LUZP1: variants seen among roughly 807,000 people sequenced by gnomAD.
LUZP1 encodes the protein filamin mechanobinding actin cross-linking protein.
A neutral mutation model predicts 71.3 loss-of-function variants in LUZP1; 25 were observed. That is an observed-to-expected ratio of 0.35 (90% CI 0.26 to 0.49). The LOEUF (loss-of-function observed/expected upper bound fraction) is 0.49, where lower values mean the gene tolerates loss of function less well. Among genes scored for constraint, LUZP1 ranks in the 20% least tolerant of loss-of-function variants. The pLI, the probability that LUZP1 is intolerant of heterozygous loss-of-function variation, is 0.99. For missense variants in LUZP1, 1,142 were observed against 1,300.8 expected (o/e 0.88, Z 1.88); for synonymous variants, 481 against 506.4 (o/e 0.95, Z 0.67).
At chr1:23,149,855 G>A (rs1473599433) in intron 2 of LUZP1, among the ~76,000 whole-genome samples, 12 of 151,318 alleles carry the variant, frequency 7.9e-5, no homozygotes, top group African/African-American at 2.2e-4. Flanking sequence ...CCAGCTACTC[G>A]GGAGGCTGAG....
chr1:23,134,318 A>T (rs1224007337), intron 2 of LUZP1, among the ~76,000 whole-genome samples: 1 of 151,722 alleles, frequency 6.6e-6, no homozygotes. Flanking sequence ...CCATTTCTAT[A>T]AAAAATTTTA....
At chr1:23,125,851 C>A (rs1445613180) in intron 2 of LUZP1, among the ~76,000 whole-genome samples, 1 of 152,170 alleles carries the variant, frequency 6.6e-6, no homozygotes, top group African/African-American at 2.4e-5. Flanking sequence ...GCCTGCCTGC[C>A]TGCCTACTAA....
chr1:23,173,361 T>C (rs189831895), intron 1 of LUZP1, among the ~76,000 whole-genome samples: 17,656 of 135,818 alleles, frequency 0.13, 1,277 homozygotes, highest in South Asian at 0.32. Flanking sequence ...TTTTTTTTTT[T>C]TTTTTTTTTT....
At chr1:23,138,665 G>T (rs887988162) in intron 2 of LUZP1, among the ~76,000 whole-genome samples, 3 of 97,822 alleles carry the variant, frequency 3.1e-5, no homozygotes, top group Non-Finnish European at 5.9e-5. Flanking sequence ...TTATGTGTTT[G>T]TGTGTGTGTG....
chr1:23,155,087 T>C (rs1481405605), intron 2 of LUZP1, among the ~76,000 whole-genome samples: 1 of 152,218 alleles, frequency 6.6e-6, no homozygotes, highest in African/African-American at 2.4e-5. Flanking sequence ...GAATATATCA[T>C]ATTATACTCC....
chr1:23,151,442 T>C (rs1368164753), intron 2 of LUZP1, among the ~76,000 whole-genome samples: 1 of 152,198 alleles, frequency 6.6e-6, no homozygotes. Context: ...TGATTCAAAT[T>C]ACTATCTAAT....
chr1:23,173,716 G>A (rs1194573384), intron 1 of LUZP1, among the ~76,000 whole-genome samples: 1 of 152,106 alleles, frequency 6.6e-6, no homozygotes, highest in African/African-American at 2.4e-5. Context: ...TTGCTATGGA[G>A]GGGAAAGAGG....
chr1:23,155,232 G>A (rs1291051579), intron 2 of LUZP1, among the ~76,000 whole-genome samples: 1 of 152,082 alleles, frequency 6.6e-6, no homozygotes, highest in Non-Finnish European at 1.5e-5. Flanking sequence ...ACTAGTTTCT[G>A]TATACTTCTG....
intron 2 of LUZP1, among the ~76,000 whole-genome samples, chr1:23,152,340 C>T (rs1361947185): frequency 1.3e-5 from 2 of 152,014 alleles, no homozygotes; most frequent in Non-Finnish European, 2.9e-5. Flanking sequence ...CCAAAATAAA[C>T]TAAACTTTTA....
rs1372773689 is a variant in LUZP1, at chr1:23,093,971, T to G, written c.291A>C (p.Glu97Asp). The G allele has an allele frequency of 1.2e-6, 2 of 1,614,196 alleles. No individual in the cohort carries two copies. Among genetic ancestry groups the G allele is most frequent in the South Asian group, 2.2e-5 (2 of 91,082 alleles). The change falls in exon 4 of 5, where the codon GAA becomes GAC. Residue 97 changes from glutamate (E) to aspartate (D), a missense_variant. Coordinates refer to ENST00000302291, the Ensembl canonical transcript of LUZP1. The surrounding 1 kb of genome is among the most constrained non-coding windows in gnomAD (Gnocchi z 4.2). Reference sequence around the variant, plus strand: ...GCTCCCGGGTGAGGTTTTCTTCCTCTTCAAGTTTCTCCTTCATCAGACGAC... The same window carrying G: ...GCTCCCGGGTGAGGTTTTCTTCCTCGTCAAGTTTCTCCTTCATCAGACGAC...
rs149721462 is a variant in LUZP1 at position 23,091,433 on chromosome 1, G to A, written c.2829C>T (p.Asn943=). Reference sequence around the variant, plus strand: ...AGGCATTGCTATTGGTAGATTCCACGTTTTTACCTATTCGAGTTGGGGGGT... The same window carrying A: ...AGGCATTGCTATTGGTAGATTCCACATTTTTACCTATTCGAGTTGGGGGGT... Residue 943 remains asparagine, a synonymous_variant, in exon 4 of 5, where the codon AAC becomes AAT. Coordinates refer to ENST00000302291, the Ensembl canonical transcript of LUZP1. 301 of 1,614,126 alleles carry A rather than the reference G, an allele frequency of 1.9e-4. 1 individual carries two copies. In the African/African-American group the frequency reaches 3.1e-3, roughly 17 times the overall value.
intron 2 of LUZP1, among the ~76,000 whole-genome samples, chr1:23,152,580 G>C (rs1481672908): frequency 6.6e-6 from 1 of 152,002 alleles, no homozygotes; most frequent in Non-Finnish European, 1.5e-5. Context: ...GCCCAGGCTG[G>C]AGTGGAGTGA....
At chr1:23,142,696 TATATACAC>T (rs1211550058) in intron 2 of LUZP1, among the ~76,000 whole-genome samples, 1,667 of 90,516 alleles carry the variant, frequency 0.018, 16 homozygotes, top group African/African-American at 0.035. Flanking sequence ...AATATATATA[TATATACAC>T]ACACACACAC....
intron 2 of LUZP1, among the ~76,000 whole-genome samples, chr1:23,110,630 A>G (rs574062314): frequency 0.035 from 1,549 of 44,546 alleles, 12 homozygotes; most frequent in South Asian, 0.095. Context: ...ATGAACGCGC[A>G]CACATACACA....
chr1:23,140,482 C>A (rs913320686), intron 2 of LUZP1: 1 of 152,282 alleles, frequency 6.6e-6, no homozygotes, highest in African/African-American at 2.4e-5. Context: ...ACTTGACTCA[C>A]AATGCCATCT....
chr1:23,138,140 T>C (rs1193703614), intron 2 of LUZP1, among the ~76,000 whole-genome samples: 1 of 152,122 alleles, frequency 6.6e-6, no homozygotes, highest in Admixed American at 6.6e-5. Flanking sequence ...CTGGCTAATT[T>C]TTTTTTGTAT....
At chr1:23,096,938 A>C (rs1643895564) in intron 3 of LUZP1, among the ~76,000 whole-genome samples, 1 of 152,144 alleles carries the variant, frequency 6.6e-6, no homozygotes, top group African/African-American at 2.4e-5. Context: ...GCGCCACTGC[A>C]CTCCAGCCTG....
chr1:23,140,046 G>C (rs1644290292), intron 2 of LUZP1, among the ~76,000 whole-genome samples: 2 of 152,050 alleles, frequency 1.3e-5, no homozygotes, highest in South Asian at 4.1e-4. Context: ...AGGCCTTGGA[G>C]AGAGTAAGGG....
At chr1:23,101,391 C>T (rs540669044) in intron 3 of LUZP1, among the ~76,000 whole-genome samples, 4 of 152,274 alleles carry the variant, frequency 2.6e-5, no homozygotes, top group African/African-American at 7.2e-5. Flanking sequence ...TCCCAAAGTA[C>T]GCAGCTAGCA....
Sources: allele counts gnomAD v4.1 joint callset (sites outside exome capture counted in the v4.1 genomes callset), GRCh38; gene constraint gnomAD v4.1.1; non-coding constraint Gnocchi (gnomAD v3.1); transcripts MANE v1.5; gene names NCBI Gene and HGNC (gene_info 2026-07-23, HGNC 2026-07-21).